The following RUNX1 variants were observed in gnomAD, a reference collection of about 807,000 sequenced individuals.
The protein encoded by RUNX1 is runt-related transcription factor 1.
A neutral mutation model predicts 42.8 loss-of-function variants in RUNX1; 19 were observed. That is an observed-to-expected ratio of 0.44 (90% CI 0.31 to 0.65). The LOEUF is 0.65. RUNX1 is among the 30% of genes least tolerant of loss of function. The pLI, the probability that RUNX1 is intolerant of heterozygous loss-of-function variation, is 0.07. For missense variants in RUNX1, 528 were observed against 672.0 expected (o/e 0.79, Z 2.37); for synonymous variants, 271 against 289.4 (o/e 0.94, Z 0.64).
At chr21:34,896,331 G>A (rs2058129551) in intron 2 of RUNX1, among the ~76,000 whole-genome samples, 1 of 152,062 alleles carries the variant, frequency 6.6e-6, no homozygotes, top group Non-Finnish European at 1.5e-5. Flanking sequence ...AGCAGAAGAG[G>A]GAGCAACCAA....
intron 3 of RUNX1, chr21:34,888,661 C>T: frequency 9.5e-7 from 1 of 1,047,568 alleles, no homozygotes; most frequent in Non-Finnish European, 1.2e-6. Context: ...CCGCGGGGCG[C>T]CCGTCCCGCC....
rs1601560622 is a variant in RUNX1 at position 34,910,770 on chromosome 21, C to T, written c.59-17807G>A. 2.0e-5 allele frequency among the ~76,000 whole-genome samples: 3 copies of T among 151,944 alleles called. No individual in the cohort carries two copies. In the South Asian group the frequency reaches 6.2e-4, roughly 32 times the overall value. ...AATGCTGGTGTTTTGTATTTTTTGT[C>T]GTTATGTTATTGTTGTTCTTTTTTT... On this transcript the variant is annotated intron_variant, in intron 2 of 8. Coordinates refer to ENST00000675419, the MANE Select transcript of RUNX1 (RefSeq NM_001754.5).
At chr21:34,844,073 T>C (rs895942383) in intron 6 of RUNX1, among the ~76,000 whole-genome samples, 1 of 152,146 alleles carries the variant, frequency 6.6e-6, no homozygotes, top group African/African-American at 2.4e-5. Flanking sequence ...GTTAAGGTCT[T>C]ATCTCAAGGA....
At chr21:34,816,235 C>T (rs2056824372) in intron 7 of RUNX1, among the ~76,000 whole-genome samples, 1 of 152,230 alleles carries the variant, frequency 6.6e-6, no homozygotes, top group Non-Finnish European at 1.5e-5. Flanking sequence ...AAAAATCCTT[C>T]CTCAACGACT....
chr21:34,856,577 T>C (rs1235307404), intron 6 of RUNX1: 1 of 396,982 alleles, frequency 2.5e-6, no homozygotes, highest in Non-Finnish European at 4.9e-6. Context: ...CTGTTAACGC[T>C]TCATCATCAA....
At chr21:34,805,858 A>G (rs777551537) in intron 7 of RUNX1, among the ~76,000 whole-genome samples, 10 of 152,238 alleles carry the variant, frequency 6.6e-5, no homozygotes, top group Non-Finnish European at 1.3e-4. Context: ...CATGTGGATA[A>G]ATGAAATAAA....
At chr21:34,981,366 T>C (rs2058845180) in intron 2 of RUNX1, among the ~76,000 whole-genome samples, 1 of 152,192 alleles carries the variant, frequency 6.6e-6, no homozygotes, top group Non-Finnish European at 1.5e-5. Context: ...TGAATTTCGG[T>C]GAAAATTAGA....
At chr21:34,949,503 G>C (rs1166183492) in intron 2 of RUNX1, among the ~76,000 whole-genome samples, 1 of 152,244 alleles carries the variant, frequency 6.6e-6, no homozygotes, top group African/African-American at 2.4e-5. Context: ...TGAATGCTTT[G>C]TTTGGCTGAG....
chr21:34,972,183 G>C (rs1455103323), intron 2 of RUNX1, among the ~76,000 whole-genome samples: 2 of 152,138 alleles, frequency 1.3e-5, no homozygotes, highest in African/African-American at 4.8e-5. Flanking sequence ...ACTTTCAGAT[G>C]ACTCCTAAAA....
intron 5 of RUNX1, among the ~76,000 whole-genome samples, chr21:34,865,048 G>A (rs1243046640): frequency 1.3e-5 from 2 of 152,080 alleles, no homozygotes; most frequent in South Asian, 2.1e-4. Flanking sequence ...TTTGTCATCT[G>A]TAAAAGGGGG....
At chr21:34,835,662 A>G (rs191756995) in intron 6 of RUNX1, among the ~76,000 whole-genome samples, 9 of 152,326 alleles carry the variant, frequency 5.9e-5, no homozygotes, top group African/African-American at 1.7e-4. Context: ...TCTTTTAAAG[A>G]CAATGGCCTC....
intron 2 of RUNX1, among the ~76,000 whole-genome samples, chr21:34,959,277 G>A (rs1367959763): frequency 6.6e-6 from 1 of 152,084 alleles, no homozygotes; most frequent in Non-Finnish European, 1.5e-5. Flanking sequence ...ATTGTTAGGG[G>A]AACAAAGAAG....
chr21:34,934,493 C>T (rs142661661), intron 2 of RUNX1, among the ~76,000 whole-genome samples: 124 of 152,284 alleles, frequency 8.1e-4, no homozygotes, highest in African/African-American at 2.9e-3. Flanking sequence ...ATTCATGTCA[C>T]ACCCAACCTG....
At chr21:34,940,859 T>G (rs1237647415) in intron 2 of RUNX1, among the ~76,000 whole-genome samples, 1 of 152,212 alleles carries the variant, frequency 6.6e-6, no homozygotes, top group African/African-American at 2.4e-5. Context: ...TTTGGCTTTT[T>G]CAAAAATATA....
chr21:34,877,480 T>G (rs532256423), intron 5 of RUNX1, among the ~76,000 whole-genome samples: 29 of 152,120 alleles, frequency 1.9e-4, no homozygotes, highest in Non-Finnish European at 4.3e-4. Context: ...TATCTCTTCC[T>G]CCTTTGTAAA....
At chr21:34,899,674 C>A (rs1171018377) in intron 2 of RUNX1, among the ~76,000 whole-genome samples, 1 of 152,238 alleles carries the variant, frequency 6.6e-6, no homozygotes, top group Non-Finnish European at 1.5e-5. Context: ...AGTGGTCCAT[C>A]ATTACTCCCT....
chr21:34,974,601 T>C (rs1262323983), intron 2 of RUNX1, among the ~76,000 whole-genome samples: 2 of 152,248 alleles, frequency 1.3e-5, no homozygotes, highest in East Asian at 3.9e-4. Flanking sequence ...TAAAATGAAG[T>C]TGACATGAAA....
intron 2 of RUNX1, among the ~76,000 whole-genome samples, chr21:34,975,526 G>A (rs191318143): frequency 7.9e-4 from 121 of 152,292 alleles, no homozygotes; most frequent in African/African-American, 2.8e-3. Flanking sequence ...TTTTAGAAAA[G>A]AGACTTGAGC....
At position 34,914,380 on chromosome 21, in the gene RUNX1, C is replaced by T. The variant is rs144994453; in HGVS notation, c.59-21417G>A. 9.0e-3 allele frequency among the ~76,000 whole-genome samples: 1,364 copies of T among 152,306 alleles called. 5 individuals carry two copies. Among genetic ancestry groups the T allele is most frequent in the Middle Eastern group, 0.014 (4 of 294 alleles). ...AGCATTAGGAACAAGGACCTCCTGA[C>T]ATTTTGGCTTCTGTAGGGATTTGTG... On this transcript the variant is annotated intron_variant, in intron 2 of 8. Transcript: ENST00000675419.
Sources: allele counts gnomAD v4.1 joint callset (sites outside exome capture counted in the v4.1 genomes callset), GRCh38; gene constraint gnomAD v4.1.1; transcripts MANE v1.5; gene names NCBI Gene and HGNC (gene_info 2026-07-23, HGNC 2026-07-21).